Variants in ZFYVE28 observed in about 807,000 individuals in gnomAD.
ZFYVE28 encodes zinc finger FYVE-type containing 28.
Under a neutral mutation model 82.1 loss-of-function variants are expected in ZFYVE28, and 40 were observed. That is an observed-to-expected ratio of 0.49 (90% CI 0.38 to 0.63). The LOEUF is 0.63. Ranked by LOEUF, ZFYVE28 falls within the 30% of genes least tolerant of loss-of-function variation. The pLI is 0.00. For synonymous variants in ZFYVE28, 612 were observed against 546.1 expected (o/e 1.12, Z -1.68); for missense variants, 1,321 against 1,242.1 (o/e 1.06, Z -0.96).
chr4:2,340,084 C>T (rs1217335027), intron 3 of ZFYVE28, among the ~76,000 whole-genome samples: 2 of 152,168 alleles, frequency 1.3e-5, no homozygotes, highest in Non-Finnish European at 2.9e-5. Context: ...CCAGGCTCCA[C>T]AATCAGGTCT....
At position 2,313,025 on chromosome 4, in the gene ZFYVE28, GA is replaced by G. The variant is rs1717706959; in HGVS notation, c.803+7144del. 2.6e-5 allele frequency among the ~76,000 whole-genome samples: 4 copies of G among 152,054 alleles called. No homozygotes were observed. The South Asian group carries it at 8.3e-4, about 32-fold the overall frequency. On this transcript the variant is annotated intron_variant, in intron 7 of 12. Transcript: ENST00000290974. ...ATGCGAACTGCACTCCAGCCTGGGT[GA>G]CAGAGTAAGACTCTGTCTCAAATAA...
chr4:2,308,953 T>C (rs1717112708), intron 7 of ZFYVE28, among the ~76,000 whole-genome samples: 1 of 152,230 alleles, frequency 6.6e-6, no homozygotes, highest in African/African-American at 2.4e-5. Context: ...AATGGAGGTC[T>C]TGGACATCGT....
At chr4:2,272,533 TGG>T (rs1018606006) in intron 10 of ZFYVE28, among the ~76,000 whole-genome samples, 3 of 152,206 alleles carry the variant, frequency 2.0e-5, no homozygotes, top group African/African-American at 7.2e-5. Context: ...TGCATGTGTG[TGG>T]GTGTGGGTAT....
At chr4:2,404,789 A>G (rs1477791827) in intron 1 of ZFYVE28, among the ~76,000 whole-genome samples, 1 of 151,824 alleles carries the variant, frequency 6.6e-6, no homozygotes, top group East Asian at 1.9e-4. Flanking sequence ...AATACAGGAA[A>G]TATCACTGAT....
At chr4:2,286,504 A>G (rs1398671703) in intron 8 of ZFYVE28, 1 of 152,370 alleles carries the variant, frequency 6.6e-6, no homozygotes, top group Non-Finnish European at 1.5e-5. Context: ...ACGAGAGCGC[A>G]GTCCACAGCA....
Position 2,339,207 on chromosome 4 carries a change from G to A in ZFYVE28, c.521+246C>T, listed in dbSNP as rs1722350314. Among the ~76,000 whole-genome samples the A allele has an allele frequency of 6.7e-6, 1 of 149,600 alleles. No individual in the cohort carries two copies. Among genetic ancestry groups the A allele is most frequent in the African/African-American group, 2.5e-5 (1 of 40,576 alleles). The stretch of plus-strand genomic sequence containing the variant: ...CGGGCCTCTCCAAAGCCCTTCCCCT[G>A]GAGGCCCACGGCGGCCAGATCCACA... On this transcript the variant is annotated intron_variant, in intron 4 of 12. Transcript: ENST00000290974. The surrounding 1 kb of genome is among the most constrained non-coding windows in gnomAD (Gnocchi z 5.0).
At chr4:2,347,701 A>AC (rs71167784) in intron 2 of ZFYVE28, among the ~76,000 whole-genome samples, 19,203 of 152,228 alleles carry the variant, frequency 0.13, 1,456 homozygotes, top group East Asian at 0.21. Flanking sequence ...AGAGGAAATC[A>AC]AAAGTATTGT....
At chr4:2,357,020 G>A (rs925953752) in intron 1 of ZFYVE28, among the ~76,000 whole-genome samples, 11 of 152,074 alleles carry the variant, frequency 7.2e-5, no homozygotes, top group African/African-American at 2.2e-4. Flanking sequence ...AGCCTCCCAA[G>A]TAGCTGGGAT....
At chr4:2,373,477 C>T (rs1560302324) in intron 1 of ZFYVE28, among the ~76,000 whole-genome samples, 1 of 152,178 alleles carries the variant, frequency 6.6e-6, no homozygotes, top group African/African-American at 2.4e-5. Flanking sequence ...TGCACTCCAG[C>T]CTGGGCAACA....
intron 2 of ZFYVE28, among the ~76,000 whole-genome samples, chr4:2,346,941 C>T (rs6599428): frequency 0.46 from 70,552 of 151,900 alleles, 16,802 homozygotes; most frequent in East Asian, 0.56. Flanking sequence ...ATATCAAAGA[C>T]ATATTAAACA....
chr4:2,364,874 G>C, intron 1 of ZFYVE28: 1 of 985,506 alleles, frequency 1.0e-6, no homozygotes, highest in Non-Finnish European at 1.2e-6. Flanking sequence ...AAAGTCGCGA[G>C]AGTACCGTGG....
chr4:2,301,640 A>G (rs1715541194), intron 8 of ZFYVE28, among the ~76,000 whole-genome samples: 1 of 109,938 alleles, frequency 9.1e-6, no homozygotes, highest in Non-Finnish European at 1.8e-5. Flanking sequence ...GTGGGCGTCC[A>G]CTGGCTGTCA....
chr4:2,399,160 G>A (rs1241558565), intron 1 of ZFYVE28, among the ~76,000 whole-genome samples: 3 of 152,100 alleles, frequency 2.0e-5, no homozygotes, highest in South Asian at 2.1e-4. Context: ...ACAAGGTGGG[G>A]TGAGATCGAG....
chr4:2,389,394 G>A (rs562214285), intron 1 of ZFYVE28, among the ~76,000 whole-genome samples: 1 of 152,298 alleles, frequency 6.6e-6, no homozygotes, highest in African/African-American at 2.4e-5. Context: ...GTGAGCCACA[G>A]ACACACTGCC....
At chr4:2,272,412 C>G (rs1471095224) in intron 10 of ZFYVE28, among the ~76,000 whole-genome samples, 1 of 152,218 alleles carries the variant, frequency 6.6e-6, no homozygotes. Context: ...CTTTCCCACC[C>G]TGGATCCTAC....
chr4:2,291,759 T>A (rs1026568114), intron 8 of ZFYVE28, among the ~76,000 whole-genome samples: 2 of 152,152 alleles, frequency 1.3e-5, no homozygotes, highest in Non-Finnish European at 2.9e-5. Flanking sequence ...CCGATGCCCA[T>A]CCCACTCCCC....
At chr4:2,312,896 T>G (rs1159781210) in intron 7 of ZFYVE28, among the ~76,000 whole-genome samples, 1 of 151,832 alleles carries the variant, frequency 6.6e-6, no homozygotes, top group Non-Finnish European at 1.5e-5. Context: ...GATACAAAAA[T>G]TAGCCAGGCA....
chr4:2,390,824 C>T (rs1729742665), intron 1 of ZFYVE28, among the ~76,000 whole-genome samples: 3 of 152,240 alleles, frequency 2.0e-5, no homozygotes, highest in Admixed American at 2.0e-4. Context: ...GAAAACAAGG[C>T]CTATGGCTGG....
chr4:2,364,977 G>C (rs1243458629), intron 1 of ZFYVE28: 1 of 882,614 alleles, frequency 1.1e-6, no homozygotes, highest in African/African-American at 1.8e-5. Flanking sequence ...GGGTGTCCCG[G>C]GCGCACGCGG....
Sources: gnomAD v4.1 joint callset for allele counts (sites outside exome capture counted in the v4.1 genomes callset) on GRCh38, gnomAD v4.1.1 for gene constraint, Gnocchi (gnomAD v3.1) non-coding constraint, MANE v1.5 for transcripts, NCBI Gene and HGNC (gene_info 2026-07-23, HGNC 2026-07-21) for gene names.